IQGAP1: variants seen among roughly 807,000 people sequenced by gnomAD.
The protein encoded by IQGAP1 is ras GTPase-activating-like protein IQGAP1.
IQGAP1 carries 66 observed loss-of-function variants against 215.6 expected under a neutral mutation model. That is an observed-to-expected ratio of 0.31 (90% CI 0.25 to 0.38). IQGAP1 has a LOEUF of 0.38. Ranked by LOEUF, IQGAP1 falls within the 10% of genes least tolerant of loss-of-function variation. IQGAP1 has a pLI of 1.00. For missense variants in IQGAP1, 1,712 were observed against 1,997.1 expected (o/e 0.86, Z 2.72); for synonymous variants, 772 against 728.7 (o/e 1.06, Z -0.96).
In IQGAP1 at chr15:90,482,114, G is replaced by A; in HGVS notation, c.3470+14G>A. 1 of 1,614,198 alleles carries A rather than the reference G, an allele frequency of 6.2e-7. No homozygotes were observed. The highest frequency in any genetic ancestry group is 8.5e-7 in the Non-Finnish European group (1 of 1,180,026). ...GGACAAAATCCCGTGAGTGCCATCA[G>A]TTGTCATGACCCCCAGTAGAACCCA... On this transcript the variant is annotated intron_variant, in intron 27 of 37. Coordinates refer to ENST00000268182, the MANE Select transcript of IQGAP1 (RefSeq NM_003870.4).
intron 2 of IQGAP1, among the ~76,000 whole-genome samples, chr15:90,400,632 T>C (rs1964791900): frequency 6.6e-6 from 1 of 152,278 alleles, no homozygotes; most frequent in East Asian, 1.9e-4. Context: ...CCAGTCAAGG[T>C]TGGGGAAAAA....
At chr15:90,477,625 G>A (rs1316123857) in intron 25 of IQGAP1, 40 bp from the exon 26 acceptor site, 2 of 1,434,034 alleles carry the variant, frequency 1.4e-6, no homozygotes, top group Middle Eastern at 1.8e-4. Context: ...AAGTTGATGG[G>A]TTTTGTGACA....
chr15:90,396,975 C>G (rs1275552339), intron 2 of IQGAP1, among the ~76,000 whole-genome samples: 1 of 152,066 alleles, frequency 6.6e-6, no homozygotes, highest in East Asian at 1.9e-4. Context: ...TCCTCACCCT[C>G]CCGAGTAGCT....
chr15:90,401,539 C>A (rs1012293979), intron 2 of IQGAP1, among the ~76,000 whole-genome samples: 3 of 152,206 alleles, frequency 2.0e-5, no homozygotes, highest in Non-Finnish European at 4.4e-5. Context: ...CCTTGCCTCT[C>A]CCCCTCTTCC....
rs1319762217 is a variant in IQGAP1, at chr15:90,409,887, C to T, written c.156-16223C>T. Among the ~76,000 whole-genome samples the T allele has an allele frequency of 2.0e-5, 3 of 152,320 alleles. No individual in the cohort carries two copies. The East Asian group carries it at 5.8e-4, about 29-fold the overall frequency. On this transcript the variant is annotated intron_variant, in intron 2 of 37. Transcript: ENST00000268182. ...CTCATTGTGGTTTTGATTTGCATTT[C>T]TCTGATGACCAGTGATGATGAGCAT...
Position 90,452,941 on chromosome 15 carries a change from G to T in IQGAP1, c.1326+3G>T. 1.2e-6 allele frequency: 2 copies of T among 1,613,648 alleles called. No individual in the cohort carries two copies. The highest frequency in any genetic ancestry group is 1.7e-6 in the Non-Finnish European group (2 of 1,179,940). On this transcript the variant is annotated splice_donor_region_variant and intron_variant, in intron 12 of 37. Coordinates refer to ENST00000268182, the MANE Select transcript of IQGAP1 (RefSeq NM_003870.4). ...CCCTGCAGCGACAAAGTCCTGAAGT[G>T]AGTTCACTAAACCTGTCCTGTTTGT...
rs190666505 is a variant in IQGAP1 at position 90,423,154 on chromosome 15, A to G, written c.156-2956A>G. ...GACTGAAAGAAGTGTTTGTTGTGTC[A>G]TCTTGGAATTCGAGTAGAATCCAAA... On this transcript the variant is annotated intron_variant, in intron 2 of 37. Coordinates refer to ENST00000268182, the MANE Select transcript of IQGAP1 (RefSeq NM_003870.4). Among the ~76,000 whole-genome samples, 3 of 152,310 alleles carry G rather than the reference A, an allele frequency of 2.0e-5. No homozygotes were observed. In the East Asian group the frequency reaches 5.8e-4, roughly 29 times the overall value.
chr15:90,400,039 T>C (rs1405067947), intron 2 of IQGAP1, among the ~76,000 whole-genome samples: 1 of 152,190 alleles, frequency 6.6e-6, no homozygotes, highest in Non-Finnish European at 1.5e-5. Flanking sequence ...TTTCGTGACT[T>C]GAAATTTGTA....
intron 2 of IQGAP1, among the ~76,000 whole-genome samples, chr15:90,409,264 G>C (rs965353279): frequency 7.7e-6 from 1 of 130,322 alleles, no homozygotes; most frequent in African/African-American, 3.0e-5. Context: ...TTTAGATAAG[G>C]TCTGGCTCTA....
Position 90,426,163 on chromosome 15 carries a change from A to C in IQGAP1, c.209A>C (p.Glu70Ala), listed in dbSNP as rs762909196. ...CTGCCTCCCACCACAGAACTGGAGG[A>C]GGGGCTTAGGAATGGGGTCTACCTT... is the stretch of plus-strand genomic sequence containing the variant. The part of the protein sequence containing the change: ...EDLPPTTELE[E>A]GLRNGVYLAK... The change falls in exon 3 of 38, where the codon GAG (glutamate) becomes GCG (alanine). Residue 70 changes from glutamate to alanine, a missense_variant. Physicochemically the swap from Glu to Ala is moderately radical, Grantham distance 107. Transcript: ENST00000268182. 1 of 1,603,818 alleles carries C rather than the reference A, an allele frequency of 6.2e-7. No individual in the cohort carries two copies. The highest frequency in any genetic ancestry group is 1.7e-5 in the Admixed American group (1 of 58,152).
chr15:90,473,673 C>A, intron 19 of IQGAP1, 42 bp from the exon 20 acceptor site: 1 of 1,390,354 alleles, frequency 7.2e-7, no homozygotes, highest in Non-Finnish European at 1.0e-6. Context: ...TCCATTGATG[C>A]TTGGGAAGTA....
chr15:90,480,181 G>T (rs563526291), intron 26 of IQGAP1, among the ~76,000 whole-genome samples: 1 of 149,132 alleles, frequency 6.7e-6, no homozygotes, highest in Non-Finnish European at 1.5e-5. Context: ...TTGAGCCCAG[G>T]AGTTTGAGCA....
intron 2 of IQGAP1, among the ~76,000 whole-genome samples, chr15:90,402,819 A>C (rs1964822102): frequency 1.3e-5 from 2 of 152,228 alleles, no homozygotes; most frequent in African/African-American, 4.8e-5. Flanking sequence ...AAAAATAGGA[A>C]AAAGATAACA....
At chr15:90,456,770 C>A (rs1965686592) in intron 15 of IQGAP1, among the ~76,000 whole-genome samples, 1 of 150,276 alleles carries the variant, frequency 6.7e-6, no homozygotes, top group South Asian at 2.1e-4. Flanking sequence ...TGCCTGTAAT[C>A]CCAGCTACTT....
intron 9 of IQGAP1, among the ~76,000 whole-genome samples, chr15:90,445,614 G>C (rs1036633198): frequency 6.6e-6 from 1 of 152,024 alleles, no homozygotes; most frequent in African/African-American, 2.4e-5. Context: ...TCCTAGCATA[G>C]GTTTAGACTC....
At chr15:90,491,901 T>C (rs759394962) in intron 34 of IQGAP1, among the ~76,000 whole-genome samples, 21 of 152,218 alleles carry the variant, frequency 1.4e-4, no homozygotes, top group Non-Finnish European at 3.1e-4. Context: ...CGAGGGGCTT[T>C]GGTGAGGACT....
At chr15:90,448,525 T>C (rs763053949) in intron 9 of IQGAP1, 48 bp from the exon 10 acceptor site, 1 of 1,492,558 alleles carries the variant, frequency 6.7e-7, no homozygotes, top group Non-Finnish European at 9.0e-7. Context: ...TATTCTAGGC[T>C]CTTCTGTTAA....
At chr15:90,419,806 A>G (rs1415496428) in intron 2 of IQGAP1, among the ~76,000 whole-genome samples, 2 of 152,234 alleles carry the variant, frequency 1.3e-5, no homozygotes, top group Non-Finnish European at 2.9e-5. Context: ...ATGCAGTGTC[A>G]GAATGAAAAA....
intron 1 of IQGAP1, among the ~76,000 whole-genome samples, chr15:90,390,513 C>T (rs28432211): frequency 0.14 from 21,119 of 152,182 alleles, 2,906 homozygotes; most frequent in African/African-American, 0.36. Flanking sequence ...GCCAAAATCT[C>T]AAGACAGTAT....
Sources: gnomAD v4.1 joint callset for allele counts (sites outside exome capture counted in the v4.1 genomes callset) on GRCh38, gnomAD v4.1.1 for gene constraint, MANE v1.5 for transcripts, NCBI Gene and HGNC (gene_info 2026-07-23, HGNC 2026-07-21) for gene names.